The following BCL9 variants were observed in gnomAD, a reference collection of about 807,000 sequenced individuals.
BCL9 encodes the protein B-cell CLL/lymphoma 9 protein.
In BCL9, 25 loss-of-function variants were observed where a neutral mutation model predicts 88.5. The observed-to-expected ratio is 0.28, with a 90% CI of 0.21 to 0.39. The LOEUF is 0.39. Ranked by LOEUF, BCL9 falls within the 10% of genes least tolerant of loss-of-function variation. BCL9 has a pLI of 1.00. For synonymous variants in BCL9, 711 were observed against 673.3 expected (o/e 1.06, Z -0.87); for missense variants, 1,817 against 1,877.8 (o/e 0.97, Z 0.60).
chr1:147,625,661 A>G lies in BCL9; in HGVS notation c.*702A>G, dbSNP rs1658906460. 4.3e-6 allele frequency: 1 copy of G among 231,422 alleles called. No individual in the cohort carries two copies. The highest frequency in any genetic ancestry group is 1.8e-4 in the South Asian group (1 of 5,508). 14.3% of individuals were successfully genotyped at this position (231,422 alleles called of 1,614,324 possible). On this transcript the variant is annotated 3_prime_UTR_variant, in exon 10 of 10. Transcript: ENST00000234739. ...TTGTTTTTCAGTTCAAGTGCTCTTC[A>G]GCACTGTCTTGTCTCCCAATATACC...
chr1:147,571,897 T>G (rs1428829093), intron 1 of BCL9, among the ~76,000 whole-genome samples: 2 of 152,170 alleles, frequency 1.3e-5, no homozygotes, highest in Non-Finnish European at 2.9e-5. Context: ...TCTCTATGCA[T>G]TTGATCCACA....
At chr1:147,599,824 G>A (rs1657261037) in intron 1 of BCL9, among the ~76,000 whole-genome samples, 1 of 151,826 alleles carries the variant, frequency 6.6e-6, no homozygotes, top group Non-Finnish European at 1.5e-5. Context: ...GGGCCCTGCG[G>A]GAAGCTGGGG....
At chr1:147,544,241 G>C (rs1179306105) in intron 1 of BCL9, among the ~76,000 whole-genome samples, 2 of 152,148 alleles carry the variant, frequency 1.3e-5, no homozygotes, top group East Asian at 3.9e-4. Flanking sequence ...GGAGTGCATA[G>C]AGTTGCATAA....
intron 1 of BCL9, among the ~76,000 whole-genome samples, chr1:147,546,348 T>A (rs1161891038): frequency 5.9e-5 from 9 of 151,396 alleles, no homozygotes; most frequent in Non-Finnish European, 4.4e-5. Context: ...AAAAAAATAA[T>A]AAATAATAAT....
rs1476124966 is a variant in BCL9, at chr1:147,626,138, A to C, written c.*1179A>C. 2.9e-5 allele frequency: 6 copies of C among 208,434 alleles called. No individual in the cohort carries two copies. The highest frequency in any genetic ancestry group is 4.9e-5 in the Non-Finnish European group (5 of 102,164). The allele number at this position is 208,434 out of a possible 1,614,324, so 12.9% of individuals were successfully genotyped here. A position where few individuals can be genotyped will look rare whatever the true frequency, so the allele number is the denominator to read the frequency against. ...CTCCCATGCGTAAGACGTTCTGTGT[A>C]ACCTCCATTAAATTTGGTACAAAAC... On this transcript the variant is annotated 3_prime_UTR_variant, in exon 10 of 10. Transcript: ENST00000234739.
chr1:147,590,015 T>C (rs1656782824), intron 1 of BCL9, among the ~76,000 whole-genome samples: 1 of 152,208 alleles, frequency 6.6e-6, no homozygotes, highest in South Asian at 2.1e-4. Context: ...TCTTTCTTTT[T>C]TATTATAGGC....
rs80293659 is a variant in BCL9 at position 147,602,968 on chromosome 1, G to T, written c.-477-1809G>T. Among the ~76,000 whole-genome samples, 1,130 of 152,272 alleles carry T rather than the reference G, an allele frequency of 7.4e-3. 10 individuals are homozygous for T. Among genetic ancestry groups the T allele is most frequent in the Non-Finnish European group, 0.012 (831 of 68,012 alleles). On this transcript the variant is annotated intron_variant, in intron 1 of 9. Transcript: ENST00000234739. ...TGAACAAATCCCTTATATTTCTCCA[G>T]TTCTCCCATCTACAAAGTAGTAAAA...
intron 1 of BCL9, among the ~76,000 whole-genome samples, chr1:147,597,373 G>A (rs1278969660): frequency 2.0e-5 from 3 of 152,188 alleles, no homozygotes; most frequent in Non-Finnish European, 4.4e-5. Flanking sequence ...TCATCATTAT[G>A]AGAAGCAAAT....
intron 1 of BCL9, among the ~76,000 whole-genome samples, chr1:147,546,167 T>C (rs1553194242): frequency 1.3e-5 from 2 of 151,944 alleles, no homozygotes; most frequent in Non-Finnish European, 2.9e-5. Context: ...AAACCCCGTC[T>C]CTACTAAAAA....
chr1:147,574,331 T>C (rs1462827607), intron 1 of BCL9, among the ~76,000 whole-genome samples: 2 of 152,300 alleles, frequency 1.3e-5, no homozygotes, highest in African/African-American at 4.8e-5. Context: ...AAGAACGTAG[T>C]GCAATGTGAG....
intron 8 of BCL9, among the ~76,000 whole-genome samples, chr1:147,621,287 G>T (rs1658626830): frequency 6.6e-6 from 1 of 152,206 alleles, no homozygotes; most frequent in Non-Finnish European, 1.5e-5. Flanking sequence ...AGGAAGAGGG[G>T]AAATGGGGAA....
intron 1 of BCL9, among the ~76,000 whole-genome samples, chr1:147,557,672 A>G (rs782378390): frequency 2.6e-5 from 4 of 152,248 alleles, no homozygotes; most frequent in African/African-American, 4.8e-5. Flanking sequence ...TTACCCTACC[A>G]TAGGAAATGG....
rs1414331560 is a variant in BCL9 at position 147,619,386 on chromosome 1, G to T, written c.1231G>T (p.Ala411Ser). 3.7e-6 allele frequency: 6 copies of T among 1,613,976 alleles called. No homozygotes were observed. The highest frequency in any genetic ancestry group is 1.3e-5 in the African/African-American group (1 of 74,902). The change falls in exon 8 of 10, where the codon GCC (alanine) becomes TCC (serine). Residue 411 changes from alanine (A) to serine (S), a missense_variant. Ala to Ser is a moderately conservative substitution (Grantham distance 99). Around this residue, in one of 2 missense-constraint regions of BCL9, gnomAD observed 1,228 missense variants for 1,191.6 expected, o/e 1.03. Transcript: ENST00000234739. This position sits in a 1 kb window ranked among gnomAD's most constrained non-coding sequence, Gnocchi z 4.1. ...AGAAGGGCCAATACAGGCCATGATG[G>T]CCCAATCCCAAAGCCTAGGTAAGGG... ...KPEGPIQAMM[A>S]QSQSLGKGPG...
intron 3 of BCL9, among the ~76,000 whole-genome samples, chr1:147,607,134 A>C (rs587657439): frequency 3.9e-5 from 6 of 152,170 alleles, no homozygotes; most frequent in Non-Finnish European, 8.8e-5. Flanking sequence ...ACTATCTCCA[A>C]GTTCATGTAC....
chr1:147,606,771 T>G lies in BCL9; in HGVS notation c.-342-13T>G, dbSNP rs1467424349. 1 of 152,588 alleles carries G rather than the reference T, an allele frequency of 6.6e-6. No individual in the cohort carries two copies. The highest frequency in any genetic ancestry group is 1.5e-5 in the Non-Finnish European group (1 of 68,048). The allele number at this position is 152,588 out of a possible 1,614,324, so 9.5% of individuals were successfully genotyped here. ...TAAAAATCTGCTTAGGACTTCTTTT[T>G]TTCCTCGTCTAGACAAGGGTCATCT... On this transcript the variant is annotated splice_polypyrimidine_tract_variant and intron_variant, in intron 2 of 9. Coordinates refer to ENST00000234739, the MANE Select transcript of BCL9 (RefSeq NM_004326.4).
chr1:147,598,432 G>GC (rs1553200699), intron 1 of BCL9, among the ~76,000 whole-genome samples: 1 of 152,178 alleles, frequency 6.6e-6, no homozygotes, highest in East Asian at 1.9e-4. Context: ...GGTAACTTAC[G>GC]TTGACCAGTT....
At chr1:147,564,968 TC>T (rs1655538003) in intron 1 of BCL9, among the ~76,000 whole-genome samples, 2 of 152,144 alleles carry the variant, frequency 1.3e-5, no homozygotes, top group East Asian at 3.9e-4. Flanking sequence ...TAGCCTAATT[TC>T]GAGTACTCAA....
chr1:147,612,890 A>G lies in BCL9; in HGVS notation c.61A>G (p.Lys21Glu). The G allele has an allele frequency of 6.2e-7, 1 of 1,613,698 alleles. No individual in the cohort carries two copies. The highest frequency in any genetic ancestry group is 1.1e-5 in the South Asian group (1 of 91,066). ...GTTATTTGTTTCTTTTAGTAGCCCTAAGTCAAAGCAGGAGGTGATGGTCCG... is the reference window on the plus strand; with the variant it reads ...GTTATTTGTTTCTTTTAGTAGCCCTGAGTCAAAGCAGGAGGTGATGGTCCG... Reference protein sequence around the residue: ...SPSGNTQSSPKSKQEVMVRPP... With the variant: ...SPSGNTQSSPESKQEVMVRPP... The change falls in exon 5 of 10, where the codon AAG (lysine) becomes GAG (glutamate). Residue 21 changes from lysine (K) to glutamate (E), a missense_variant. Lys to Glu is a moderately conservative substitution (Grantham distance 56). Transcript: ENST00000234739.
At chr1:147,603,954 T>C (rs1253458958) in intron 1 of BCL9, among the ~76,000 whole-genome samples, 2 of 152,224 alleles carry the variant, frequency 1.3e-5, no homozygotes, top group African/African-American at 4.8e-5. Context: ...ATCAAAATAT[T>C]AATTGTAACA....
Sources: allele counts gnomAD v4.1 joint callset (sites outside exome capture counted in the v4.1 genomes callset), GRCh38; gene constraint gnomAD v4.1.1; regional missense constraint gnomAD v4.1.1; non-coding constraint Gnocchi (gnomAD v3.1); transcripts MANE v1.5; gene names NCBI Gene and HGNC (gene_info 2026-07-23, HGNC 2026-07-21).